The following MAPK10 variants were observed in gnomAD, a reference collection of about 807,000 sequenced individuals.
MAPK10 encodes mitogen-activated protein kinase 10.
A neutral mutation model predicts 59.3 loss-of-function variants in MAPK10; 25 were observed. The ratio of observed to expected loss-of-function variants is 0.42; its 90% confidence interval spans 0.31 to 0.59. MAPK10 has a LOEUF of 0.59. Ranked by LOEUF, MAPK10 falls within the 20% of genes least tolerant of loss-of-function variation. The pLI, the probability that MAPK10 is intolerant of heterozygous loss-of-function variation, is 0.15. For missense variants in MAPK10, 351 were observed against 568.9 expected, an observed-to-expected ratio of 0.62 and a Z score of 3.90; for synonymous variants, 190 against 200.5, an observed-to-expected ratio of 0.95 and a Z score of 0.44.
At chr4:86,478,683 C>G in intron 1 of MAPK10, among the ~76,000 whole-genome samples, 1 of 152,122 alleles carries the variant, frequency 6.6e-6, no homozygotes, top group East Asian at 1.9e-4. Context: ...CACCTGAGCC[C>G]CATGACTATA....
chr4:86,070,712 G>A (rs1462808019), intron 9 of MAPK10, among the ~76,000 whole-genome samples: 2 of 150,934 alleles, frequency 1.3e-5, no homozygotes, highest in Non-Finnish European at 3.0e-5. Context: ...CCCTACAAAG[G>A]ACATGAACTC....
chr4:86,348,950 C>T (rs1729710545), intron 2 of MAPK10, among the ~76,000 whole-genome samples: 3 of 152,144 alleles, frequency 2.0e-5, no homozygotes, highest in Admixed American at 1.3e-4. Context: ...TCACCATCCT[C>T]AACAAAATCT....
At chr4:86,111,737 C>T (rs1435141046) in intron 4 of MAPK10, among the ~76,000 whole-genome samples, 2 of 152,116 alleles carry the variant, frequency 1.3e-5, no homozygotes, top group Non-Finnish European at 2.9e-5. Flanking sequence ...ATAATGCTGG[C>T]CTCATAAAAT....
chr4:86,249,145 T>G (rs1348703539), intron 2 of MAPK10, among the ~76,000 whole-genome samples: 2 of 145,476 alleles, frequency 1.4e-5, no homozygotes, highest in Admixed American at 6.7e-5. Flanking sequence ...AGCCAGAATT[T>G]TATTATACAT....
intron 2 of MAPK10, among the ~76,000 whole-genome samples, chr4:86,200,871 CTCTT>C (rs1462567853): frequency 6.6e-6 from 1 of 151,796 alleles, no homozygotes; most frequent in Non-Finnish European, 1.5e-5. Context: ...TCTAATTCCA[CTCTT>C]TTAGTTATTT....
chr4:86,360,800 C>G (rs1044222484), upstream of MAPK10, among the ~76,000 whole-genome samples: 4 of 151,956 alleles, frequency 2.6e-5, no homozygotes, highest in African/African-American at 9.7e-5. Context: ...TTTAAAGTCT[C>G]CAAACAGTTT....
intron 9 of MAPK10, among the ~76,000 whole-genome samples, chr4:86,078,103 C>A (rs998921414): frequency 3.9e-5 from 6 of 152,098 alleles, no homozygotes; most frequent in African/African-American, 9.7e-5. Flanking sequence ...GGGCTGATAT[C>A]ATAAAAAACA....
chr4:86,305,082 T>C (rs1351992592), intron 2 of MAPK10, among the ~76,000 whole-genome samples: 3 of 152,338 alleles, frequency 2.0e-5, no homozygotes, highest in African/African-American at 7.2e-5. Flanking sequence ...AAATATATGG[T>C]ACTTCTTGAT....
At chr4:86,379,913 C>T (rs974412553) in intron 1 of MAPK10, among the ~76,000 whole-genome samples, 1 of 152,126 alleles carries the variant, frequency 6.6e-6, no homozygotes, top group African/African-American at 2.4e-5. Flanking sequence ...CCTGACCGAG[C>T]TGGTCTTGCA....
At position 86,084,758 on chromosome 4, in the gene MAPK10, A is replaced by T. The variant is rs141412682; in HGVS notation, c.802+13766T>A. Among the ~76,000 whole-genome samples, 708 of 152,332 alleles carry T rather than the reference A, an allele frequency of 4.6e-3. 14 individuals carry two copies. In the East Asian group the frequency reaches 0.055, roughly 12 times the overall value. The stretch of plus-strand genomic sequence containing the variant: ...GATAGAAAACACAATCCTGAAGTTT[A>T]TATGGAACCACAAAAGACCCAGAAC... On this transcript the variant is annotated intron_variant, in intron 9 of 13. Coordinates refer to ENST00000641462, the MANE Select transcript of MAPK10 (RefSeq NM_138982.4).
intron 1 of MAPK10, among the ~76,000 whole-genome samples, chr4:86,562,043 T>C (rs1760717384): frequency 6.6e-6 from 1 of 152,214 alleles, no homozygotes; most frequent in Non-Finnish European, 1.5e-5. Flanking sequence ...TTTGATTGCA[T>C]AACTATCCTG....
intron 2 of MAPK10, among the ~76,000 whole-genome samples, chr4:86,293,840 C>G (rs75060520): frequency 6.6e-6 from 1 of 152,038 alleles, no homozygotes; most frequent in East Asian, 1.9e-4. Flanking sequence ...GAGGATGGTG[C>G]TAATCCATTC....
At position 86,050,930 on chromosome 4, in the gene MAPK10, G is replaced by C. The variant is rs3822036; in HGVS notation, c.1110+13336C>G. Among the ~76,000 whole-genome samples, 1,105 of 152,216 alleles carry C rather than the reference G, an allele frequency of 7.3e-3. 35 individuals are homozygous for C. The East Asian group carries it at 0.1, about 14-fold the overall frequency. On this transcript the variant is annotated intron_variant, in intron 11 of 13. Coordinates refer to ENST00000641462, the MANE Select transcript of MAPK10 (RefSeq NM_138982.4). The stretch of plus-strand genomic sequence containing the variant: ...AAATTTTCAGAAAAAGTGCTTGAGG[G>C]TTAGCTAATTTATCTCTCACTTTTT...
chr4:86,289,121 A>C (rs2095134046), intron 2 of MAPK10, among the ~76,000 whole-genome samples: 1 of 152,210 alleles, frequency 6.6e-6, no homozygotes, highest in Non-Finnish European at 1.5e-5. Flanking sequence ...TGTGACATTT[A>C]GGCAGAGACA....
At position 86,056,268 on chromosome 4, in the gene MAPK10, T is replaced by C. The variant is rs1339135569; in HGVS notation, c.1110+7998A>G. Among the ~76,000 whole-genome samples, 5 of 150,266 alleles carry C rather than the reference T, an allele frequency of 3.3e-5. 1 individual carries two copies. Among genetic ancestry groups the C allele is most frequent in the Admixed American group, 2.0e-4 (3 of 15,130 alleles). ...TTATAAAATATTTGAAGCAAACTTA[T>C]GCATATTTTATTCAATGGTTTATCT... On this transcript the variant is annotated intron_variant, in intron 11 of 13. Transcript: ENST00000641462.
chr4:86,516,956 G>A (rs1459382478), intron 1 of MAPK10, among the ~76,000 whole-genome samples: 2 of 152,146 alleles, frequency 1.3e-5, no homozygotes, highest in East Asian at 3.8e-4. Context: ...ATGCTAAATA[G>A]AAGTGGTGAA....
chr4:86,541,504 T>C (rs1758693750), intron 1 of MAPK10, among the ~76,000 whole-genome samples: 1 of 151,952 alleles, frequency 6.6e-6, no homozygotes, highest in Non-Finnish European at 1.5e-5. Flanking sequence ...AAAGGAAAAA[T>C]CTTGAGAGGG....
intron 2 of MAPK10, among the ~76,000 whole-genome samples, chr4:86,201,328 T>C (rs531069759): frequency 2.6e-4 from 40 of 152,064 alleles, no homozygotes; most frequent in Non-Finnish European, 4.4e-4. Flanking sequence ...CCTGCAGCAA[T>C]GTAAGAAAAT....
intron 5 of MAPK10, 133 bp downstream of exon 5, chr4:86,107,090 T>G: frequency 4.6e-6 from 3 of 646,546 alleles, no homozygotes; most frequent in Non-Finnish European, 7.9e-6. Flanking sequence ...TGTAGCATAT[T>G]GGCAGGATAA....
Sources: allele counts gnomAD v4.1 joint callset (sites outside exome capture counted in the v4.1 genomes callset), GRCh38; gene constraint gnomAD v4.1.1; transcripts MANE v1.5; gene names NCBI Gene and HGNC (gene_info 2026-07-23, HGNC 2026-07-21).